MOBP: variants seen among roughly 807,000 people sequenced by gnomAD.
MOBP encodes myelin associated oligodendrocyte basic protein, also known as myelin-associated oligodendrocyte basic protein.
A neutral mutation model predicts 15.0 loss-of-function variants in MOBP; 5 were observed. The ratio of observed to expected loss-of-function variants is 0.33; its 90% CI spans 0.17 to 0.70. The LOEUF (loss-of-function observed/expected upper bound fraction) is 0.70, where lower values mean the gene tolerates loss of function less well. Among genes scored for constraint, MOBP ranks in the 30% least tolerant of loss-of-function variants. MOBP has a pLI of 0.67. For missense variants in MOBP, 188 were observed against 257.8 expected, an observed-to-expected ratio of 0.73 and a Z score of 1.85; for synonymous variants, 88 against 99.0, an observed-to-expected ratio of 0.89 and a Z score of 0.66.
Position 39,502,041 on chromosome 3 carries a change from G to C in MOBP, c.-4-25G>C, listed in dbSNP as rs200920961. The C allele has an allele frequency of 8.7e-5, 139 of 1,602,742 alleles. No individual in the cohort carries two copies. The highest frequency in any genetic ancestry group is 1.2e-4 in the Non-Finnish European group (135 of 1,170,748). On this transcript the variant is annotated intron_variant, in intron 2 of 3. Transcript: ENST00000684792. This position sits in a 1 kb window ranked among gnomAD's most constrained non-coding sequence, Gnocchi z 6.3. Reference sequence around the variant, plus strand: ...CTGATGTGCGTTTATGTCTCCTCCTGTCTCCTTGCATCGGCGATTTCCAGT... The same window carrying C: ...CTGATGTGCGTTTATGTCTCCTCCTCTCTCCTTGCATCGGCGATTTCCAGT...
chr3:39,498,784 C>T (rs1173694685), intron 2 of MOBP, among the ~76,000 whole-genome samples: 3 of 151,922 alleles, frequency 2.0e-5, no homozygotes, highest in African/African-American at 2.4e-5. Flanking sequence ...CGGACATGGT[C>T]GGGGGAGACA....
chr3:39,474,496 A>G (rs1386644267), intron 1 of MOBP, among the ~76,000 whole-genome samples: 1 of 152,204 alleles, frequency 6.6e-6, no homozygotes, highest in Non-Finnish European at 1.5e-5. Context: ...GTCTAAACAG[A>G]AAAGATACAG....
At chr3:39,480,435 C>T (rs1338017857) in intron 2 of MOBP, among the ~76,000 whole-genome samples, 1 of 152,294 alleles carries the variant, frequency 6.6e-6, no homozygotes, top group Non-Finnish European at 1.5e-5. Context: ...GACTTCCTCC[C>T]TTTATATTCC....
At chr3:39,516,445 A>G (rs1575322998), downstream of MOBP, among the ~76,000 whole-genome samples, 1 of 152,122 alleles carries the variant, frequency 6.6e-6, no homozygotes, top group South Asian at 2.1e-4. Context: ...AGGAGAGTAT[A>G]GATTCTGGTG....
At chr3:39,513,294 A>G (rs1304863939) in intron 4 of MOBP, 2 of 1,214,840 alleles carry the variant, frequency 1.6e-6, no homozygotes, top group Non-Finnish European at 2.3e-6. Context: ...CTCAAAATCC[A>G]CAATTATACT....
chr3:39,486,613 G>A (rs1310035143), intron 2 of MOBP, among the ~76,000 whole-genome samples: 1 of 152,072 alleles, frequency 6.6e-6, no homozygotes, highest in Non-Finnish European at 1.5e-5. Flanking sequence ...ACTCTCTTAA[G>A]TTAATGTCAG....
At chr3:39,525,339 T>C (rs1357175764), downstream of MOBP, 1 of 152,258 alleles carries the variant, frequency 6.6e-6, no homozygotes, top group Non-Finnish European at 1.5e-5. Flanking sequence ...TCTGATGATT[T>C]CTGACTTGGG....
At chr3:39,487,161 G>C (rs934681329) in intron 2 of MOBP, among the ~76,000 whole-genome samples, 9 of 150,876 alleles carry the variant, frequency 6.0e-5, no homozygotes, top group African/African-American at 9.7e-5. Context: ...GGCTGGTCTC[G>C]AACTCCATCT....
chr3:39,470,586 A>G (rs1230755712), intron 1 of MOBP, among the ~76,000 whole-genome samples: 1 of 152,236 alleles, frequency 6.6e-6, no homozygotes, highest in Admixed American at 6.5e-5. Context: ...TAAAGTTACA[A>G]AAATTTAAGT....
chr3:39,502,297 C>T lies in MOBP; in HGVS notation c.206+22C>T. 6.2e-7 allele frequency: 1 copy of T among 1,613,454 alleles called. No homozygotes were observed. Among genetic ancestry groups the T allele is most frequent in the African/African-American group, 1.3e-5 (1 of 75,032 alleles). On this transcript the variant is annotated intron_variant, in intron 3 of 3. Coordinates refer to ENST00000684792, the MANE Select transcript of MOBP (RefSeq NM_001393704.1). This position sits in a 1 kb window ranked among gnomAD's most constrained non-coding sequence, Gnocchi z 6.3. Reference sequence around the variant, plus strand: ...CCAGGTAAGCGGCCGCCCAGCCCCGCGGCACCAGTTGGGCACAGCGCGTGG... The same window carrying T: ...CCAGGTAAGCGGCCGCCCAGCCCCGTGGCACCAGTTGGGCACAGCGCGTGG...
intron 2 of MOBP, among the ~76,000 whole-genome samples, chr3:39,492,475 T>A (rs2042812596): frequency 6.6e-6 from 1 of 152,198 alleles, no homozygotes; most frequent in African/African-American, 2.4e-5. Flanking sequence ...ACTATAAATT[T>A]AGAGTTTTGG....
chr3:39,469,054 GTATATACATATATACATA>G (rs2042411630), intron 1 of MOBP, among the ~76,000 whole-genome samples: 3 of 43,032 alleles, frequency 7.0e-5, no homozygotes, highest in Admixed American at 1.8e-4. Context: ...ATATGTGTGT[GTATATACATATATACATA>G]TGTGTGTGTG....
chr3:39,490,450 T>C (rs2042778437), intron 2 of MOBP, among the ~76,000 whole-genome samples: 1 of 152,244 alleles, frequency 6.6e-6, no homozygotes, highest in African/African-American at 2.4e-5. Context: ...GACTCAAAGT[T>C]AATTTTTCAT....
intron 1 of MOBP, among the ~76,000 whole-genome samples, chr3:39,475,294 G>T (rs979705442): frequency 1.2e-4 from 18 of 152,246 alleles, no homozygotes; most frequent in African/African-American, 4.1e-4. Context: ...CTTATTACTG[G>T]TGATGTTAAC....
intron 1 of MOBP, among the ~76,000 whole-genome samples, chr3:39,477,144 A>G (rs372409988): frequency 6.6e-5 from 10 of 152,124 alleles, no homozygotes; most frequent in Non-Finnish European, 1.5e-4. Context: ...GATGTTCACC[A>G]AGGTCTCACA....
At position 39,469,182 on chromosome 3, in the gene MOBP, G is replaced by GTGTGTATATACATATATACA. The variant is rs1559412286; in HGVS notation, c.-89+1447_-89+1448insATATACATATATACATGTGT. Among the ~76,000 whole-genome samples the GTGTGTATATACATATATACA allele has an allele frequency of 3.7e-5, 3 of 81,928 alleles. 1 individual carries two copies. The highest frequency in any genetic ancestry group is 2.5e-4 in the African/African-American group (3 of 11,942). 53.7% of individuals were successfully genotyped at this position (81,928 alleles called of 152,430 possible). A position where few individuals can be genotyped will look rare whatever the true frequency, so the allele number is the denominator to read the frequency against. On this transcript the variant is annotated intron_variant, in intron 1 of 3. Coordinates refer to ENST00000684792, the MANE Select transcript of MOBP (RefSeq NM_001393704.1). ...TGTGTGTGTATACATATATACATGT[G>GTGTGTATATACATATATACA]TGTGTGTGTATATACATATATACAT...
rs377428361 is a variant in MOBP at position 39,502,908 on chromosome 3, C to A, written c.*28C>A. 5 of 1,032,914 alleles carry A rather than the reference C, an allele frequency of 4.8e-6. No individual in the cohort carries two copies. Among genetic ancestry groups the A allele is most frequent in the Non-Finnish European group, 5.5e-6 (4 of 725,952 alleles). 64.0% of individuals were successfully genotyped at this position (1,032,914 alleles called of 1,614,324 possible). On this transcript the variant is annotated 3_prime_UTR_variant, in exon 4 of 4. Transcript: ENST00000684792. The surrounding 1 kb of genome is among the most constrained non-coding windows in gnomAD (Gnocchi z 6.3). Reference sequence around the variant, plus strand: ...CCATCTCTTCCCTTTTGTTCCCCAGCCCTAAGGTTAGTAGTTGCTTCCTGT... The same window carrying A: ...CCATCTCTTCCCTTTTGTTCCCCAGACCTAAGGTTAGTAGTTGCTTCCTGT...
At chr3:39,501,774 G>A (rs1460606904) in intron 2 of MOBP, among the ~76,000 whole-genome samples, 1 of 152,104 alleles carries the variant, frequency 6.6e-6, no homozygotes, top group Non-Finnish European at 1.5e-5. Flanking sequence ...GGTTTTAAAT[G>A]TTTTCCTATC....
intron 2 of MOBP, chr3:39,500,061 C>T (rs1004954952): frequency 2.2e-6 from 1 of 456,142 alleles, no homozygotes; most frequent in African/African-American, 2.0e-5. Flanking sequence ...ATTCCTCTAC[C>T]TACAAGGTGA....
Sources: allele counts gnomAD v4.1 joint callset (sites outside exome capture counted in the v4.1 genomes callset), GRCh38; gene constraint gnomAD v4.1.1; non-coding constraint Gnocchi (gnomAD v3.1); transcripts MANE v1.5; gene names NCBI Gene and HGNC (gene_info 2026-07-23, HGNC 2026-07-21).